Variants in TNRC6B observed in about 807,000 individuals in gnomAD.
The protein encoded by TNRC6B is trinucleotide repeat containing adaptor 6B.
TNRC6B carries 52 observed loss-of-function variants against 203.6 expected under a neutral mutation model. The observed-to-expected ratio is 0.26, with a 90% CI of 0.20 to 0.32. TNRC6B has a LOEUF of 0.32. Ranked by LOEUF, TNRC6B falls within the 10% of genes least tolerant of loss-of-function variation. The pLI, the probability that TNRC6B is intolerant of heterozygous loss-of-function variation, is 1.00. For missense variants in TNRC6B, 1,923 were observed against 2,286.2 expected, an observed-to-expected ratio of 0.84 and a Z score of 3.24; for synonymous variants, 838 against 845.7, an observed-to-expected ratio of 0.99 and a Z score of 0.16.
chr22:40,280,582 T>G (rs994052361), intron 10 of TNRC6B, among the ~76,000 whole-genome samples: 1 of 152,254 alleles, frequency 6.6e-6, no homozygotes, highest in African/African-American at 2.4e-5. Flanking sequence ...GGTATACTTT[T>G]CAAATTCTCA....
At chr22:40,259,214 A>T (rs1421948652) in intron 3 of TNRC6B, among the ~76,000 whole-genome samples, 1 of 152,058 alleles carries the variant, frequency 6.6e-6, no homozygotes, top group African/African-American at 2.4e-5. Context: ...AATATTAGAT[A>T]ATGACTAATT....
At chr22:40,269,279 T>A (rs758912029) in intron 5 of TNRC6B, among the ~76,000 whole-genome samples, 1 of 151,786 alleles carries the variant, frequency 6.6e-6, no homozygotes, top group Non-Finnish European at 1.5e-5. Context: ...ATTACAGGCA[T>A]GCGTCGTCAC....
intron 1 of TNRC6B, among the ~76,000 whole-genome samples, chr22:40,206,069 C>T (rs997238388): frequency 6.6e-6 from 1 of 152,148 alleles, no homozygotes; most frequent in African/African-American, 2.4e-5. Flanking sequence ...ATAGAATTTT[C>T]CTCAGGAAAG....
intron 3 of TNRC6B, 104 bp from the exon 4 acceptor site, chr22:40,261,728 G>C: frequency 1.9e-6 from 2 of 1,051,100 alleles, no homozygotes; most frequent in Non-Finnish European, 2.6e-6. Flanking sequence ...GGGCAACATG[G>C]CAAGACCCCA....
chr22:40,265,188 T>A lies in TNRC6B; in HGVS notation c.958T>A (p.Ser320Thr). Residue 320 changes from serine (S) to threonine (T), a missense_variant, in exon 5 of 23, where the codon TCT (serine) becomes ACT (threonine). Transcript: ENST00000454349. ...AWPALVQEGT[S>T]RKGALETDNS... ...GCCAGCACTGGTCCAAGAAGGAACTTCTAGGAAAGGGGCATTGGAAACAGA... is the reference window on the plus strand; with the variant it reads ...GCCAGCACTGGTCCAAGAAGGAACTACTAGGAAAGGGGCATTGGAAACAGA... The A allele has an allele frequency of 6.2e-7, 1 of 1,613,972 alleles. No homozygotes were observed. Among genetic ancestry groups the A allele is most frequent in the South Asian group, 1.1e-5 (1 of 91,082 alleles).
intron 4 of TNRC6B, among the ~76,000 whole-genome samples, chr22:40,157,261 T>G (rs1176498265): frequency 1.3e-5 from 2 of 151,016 alleles, no homozygotes; most frequent in African/African-American, 4.9e-5. Flanking sequence ...ATAACTACTA[T>G]TTTTTATTCA....
At chr22:40,072,838 T>A (rs1569250743) in intron 1 of TNRC6B, among the ~76,000 whole-genome samples, 1 of 115,520 alleles carries the variant, frequency 8.7e-6, no homozygotes. Flanking sequence ...CATTCCAGCC[T>A]GGGCAACAGA....
At chr22:40,207,830 C>T (rs1246387330) in intron 1 of TNRC6B, among the ~76,000 whole-genome samples, 1 of 151,974 alleles carries the variant, frequency 6.6e-6, no homozygotes, top group Non-Finnish European at 1.5e-5. Flanking sequence ...AAGAAAATAC[C>T]GGCCAGGAGC....
chr22:40,238,692 C>A (rs545740029), intron 1 of TNRC6B, among the ~76,000 whole-genome samples: 140 of 152,322 alleles, frequency 9.2e-4, no homozygotes, highest in African/African-American at 3.1e-3. Context: ...CCTTTTCTAA[C>A]TATTATATGG....
At chr22:40,115,204 G>T (rs1642789771) in intron 1 of TNRC6B, among the ~76,000 whole-genome samples, 1 of 152,176 alleles carries the variant, frequency 6.6e-6, no homozygotes, top group African/African-American at 2.4e-5. Flanking sequence ...GACATGTAAT[G>T]AACAACTTTA....
intron 1 of TNRC6B, among the ~76,000 whole-genome samples, chr22:40,055,685 C>A (rs1477883810): frequency 6.6e-6 from 1 of 152,150 alleles, no homozygotes; most frequent in Non-Finnish European, 1.5e-5. Context: ...GTACCTATAA[C>A]CATGCAAATG....
intron 3 of TNRC6B, among the ~76,000 whole-genome samples, chr22:40,142,671 A>G (rs1772097973): frequency 6.6e-6 from 1 of 152,130 alleles, no homozygotes; most frequent in Non-Finnish European, 1.5e-5. Context: ...ATATGTTATC[A>G]GTTAAAATAA....
In TNRC6B at chr22:40,331,574, C is replaced by T. The variant is rs921210130; in HGVS notation, c.*8333C>T. 1 of 380,278 alleles carries T rather than the reference C, an allele frequency of 2.6e-6. No individual in the cohort carries two copies. Among genetic ancestry groups the T allele is most frequent in the African/African-American group, 2.1e-5 (1 of 47,750 alleles). 23.6% of individuals were successfully genotyped at this position (380,278 alleles called of 1,614,324 possible). On this transcript the variant is annotated 3_prime_UTR_variant, in exon 23 of 23. Coordinates refer to ENST00000454349, the MANE Select transcript of TNRC6B (RefSeq NM_001162501.2). ...GCTTCTGCGCTTTGCTCTCATTCCT[C>T]TCTCATGGCCTTGAAATGTATTATT...
chr22:40,092,093 C>T (rs535825420), intron 1 of TNRC6B, among the ~76,000 whole-genome samples: 14 of 152,222 alleles, frequency 9.2e-5, no homozygotes, highest in African/African-American at 3.4e-4. Context: ...AATGAGTCAG[C>T]AGAACCAACA....
rs1263176201 is a variant in TNRC6B at position 40,324,734 on chromosome 22, C to T, written c.*1493C>T. On this transcript the variant is annotated 3_prime_UTR_variant, in exon 23 of 23. Coordinates refer to ENST00000454349, the MANE Select transcript of TNRC6B (RefSeq NM_001162501.2). ...TTTTGTTTCTCTGTGTTGTGTATTT[C>T]CTGTGTATGTGGTTTTGCTTAGGCA... 6.6e-6 allele frequency: 1 copy of T among 152,532 alleles called. No individual in the cohort carries two copies. The highest frequency in any genetic ancestry group is 1.5e-5 in the Non-Finnish European group (1 of 68,032). 9.4% of individuals were successfully genotyped at this position (152,532 alleles called of 1,614,324 possible). A position where few individuals can be genotyped will look rare whatever the true frequency, so the allele number is the denominator to read the frequency against.
Position 40,049,533 on chromosome 22 carries a change from G to A in TNRC6B, c.-121+4535G>A, listed in dbSNP as rs59480564. On this transcript the variant is annotated intron_variant, in intron 1 of 23. Coordinates refer to the TNRC6B transcript ENST00000301923. ...AGACTTAACTGTCACCTCTGTATATGCTAGCCTGCATATCCATGCCTCACC... is the reference window on the plus strand; with the variant it reads ...AGACTTAACTGTCACCTCTGTATATACTAGCCTGCATATCCATGCCTCACC... 2.4e-3 allele frequency among the ~76,000 whole-genome samples: 362 copies of A among 152,136 alleles called. 1 individual carries two copies. The highest frequency in any genetic ancestry group is 8.4e-3 in the African/African-American group (348 of 41,504).
In TNRC6B at chr22:40,280,185, C is replaced by A. The variant is rs184666931; in HGVS notation, c.3411+42C>A. ...GTTTAAGATAATAATTCATGAGAAC[C>A]GCTTTGGTTCCCATTTGTCTTTTGA... On this transcript the variant is annotated intron_variant, in intron 10 of 22. Coordinates refer to ENST00000454349, the MANE Select transcript of TNRC6B (RefSeq NM_001162501.2). 44 of 1,578,332 alleles carry A rather than the reference C, an allele frequency of 2.8e-5. 1 individual carries two copies. The highest frequency in any genetic ancestry group is 3.6e-5 in the Non-Finnish European group (42 of 1,157,406).
chr22:40,289,996 C>T (rs761371885), intron 12 of TNRC6B, among the ~76,000 whole-genome samples: 1 of 152,214 alleles, frequency 6.6e-6, no homozygotes, highest in Non-Finnish European at 1.5e-5. Context: ...TATCCAAAAG[C>T]GGATCCTTTT....
At chr22:40,320,980 C>A in intron 21 of TNRC6B, 110 bp from the exon 22 acceptor site, 2 of 1,292,340 alleles carry the variant, frequency 1.5e-6, no homozygotes, top group Non-Finnish European at 1.1e-6. Flanking sequence ...TTTATGGAAA[C>A]TATTTGCAAA....
Sources: allele counts gnomAD v4.1 joint callset (sites outside exome capture counted in the v4.1 genomes callset), GRCh38; gene constraint gnomAD v4.1.1; transcripts MANE v1.5; gene names NCBI Gene and HGNC (gene_info 2026-07-23, HGNC 2026-07-21).